The following ELMO1 variants were observed in gnomAD, a reference collection of about 807,000 sequenced individuals.
The protein encoded by ELMO1 is engulfment and cell motility 1, also known as engulfment and cell motility protein 1.
ELMO1 carries 26 observed loss-of-function variants against 98.9 expected under a neutral mutation model. The ratio of observed to expected loss-of-function variants is 0.26; its 90% CI spans 0.19 to 0.36. The LOEUF is 0.36. Ranked by LOEUF, ELMO1 falls within the 10% of genes least tolerant of loss-of-function variation. The pLI, the probability that ELMO1 is intolerant of heterozygous loss-of-function variation, is 1.00. For missense variants in ELMO1, 627 were observed against 935.2 expected (o/e 0.67, Z 4.30); for synonymous variants, 346 against 346.0 (o/e 1.00, Z 0.00).
At chr7:37,191,698 T>A (rs975000380) in intron 13 of ELMO1, among the ~76,000 whole-genome samples, 4 of 152,170 alleles carry the variant, frequency 2.6e-5, no homozygotes, top group Non-Finnish European at 4.4e-5. Flanking sequence ...GGCAAGTGGA[T>A]CATGAGGTCA....
rs550732951 is a variant in ELMO1, at chr7:36,911,766, C to T, written c.1438-16749G>A. Among the ~76,000 whole-genome samples, 3 of 152,302 alleles carry T rather than the reference C, an allele frequency of 2.0e-5. No homozygotes were observed. In the South Asian group the frequency reaches 6.2e-4, roughly 32 times the overall value. ...TGCTGATATCTCTCAAAATGACTCT[C>T]CTTTCTCAAGAGCCCACCTCCCTTG... On this transcript the variant is annotated intron_variant, in intron 16 of 21. Transcript: ENST00000310758.
At chr7:36,973,857 C>T (rs1003392763) in intron 16 of ELMO1, among the ~76,000 whole-genome samples, 1 of 152,244 alleles carries the variant, frequency 6.6e-6, no homozygotes, top group Non-Finnish European at 1.5e-5. Context: ...CTGCCGTTGC[C>T]GAGCAATGAG....
intron 13 of ELMO1, 72 bp downstream of exon 13, chr7:37,211,314 C>T (rs1478757062): frequency 2.5e-6 from 4 of 1,607,098 alleles, no homozygotes; most frequent in South Asian, 2.2e-5. Context: ...TCGGAAGAGA[C>T]ATCAGTTATG....
chr7:36,932,218 G>C (rs1180852096), intron 16 of ELMO1, among the ~76,000 whole-genome samples: 1 of 152,180 alleles, frequency 6.6e-6, no homozygotes, highest in Non-Finnish European at 1.5e-5. Context: ...ACATGGCTCA[G>C]TTTCCTTCAT....
At chr7:37,341,135 CG>C (rs11285573) in intron 2 of ELMO1, among the ~76,000 whole-genome samples, 121,603 of 151,958 alleles carry the variant, frequency 0.8, 48,965 homozygotes, top group Non-Finnish European at 0.86. Flanking sequence ...AATGTGCTTT[CG>C]GGTGATGCCC....
chr7:37,301,205 G>A (rs1798323874), intron 4 of ELMO1, among the ~76,000 whole-genome samples: 1 of 151,744 alleles, frequency 6.6e-6, no homozygotes. Flanking sequence ...GGAAGAGATG[G>A]AGCAAAATAA....
At chr7:37,040,537 C>T (rs1292206583) in intron 15 of ELMO1, among the ~76,000 whole-genome samples, 1 of 152,164 alleles carries the variant, frequency 6.6e-6, no homozygotes, top group Non-Finnish European at 1.5e-5. Flanking sequence ...ACACGCAGAA[C>T]TCTGTGGATG....
In ELMO1 at chr7:37,259,308, T is replaced by C; in HGVS notation, c.286A>G (p.Ser96Gly). The part of the protein sequence containing the change: ...QQLHERIQSS[S>G]MDAKLEALKD... ...AGGGCTTCCAGCTTGGCATCCATACTCGAGGACTGGATTCGTTCATGGAGC... is the reference window on the plus strand; with the variant it reads ...AGGGCTTCCAGCTTGGCATCCATACCCGAGGACTGGATTCGTTCATGGAGC... Residue 96 changes from serine to glycine, a missense_variant, in exon 6 of 22, where the codon AGT becomes GGT. Around this residue, in one of 3 missense-constraint regions of ELMO1, gnomAD observed 123 missense variants for 171.2 expected, o/e 0.72. Coordinates refer to ENST00000310758, the MANE Select transcript of ELMO1 (RefSeq NM_014800.11). The C allele has an allele frequency of 6.2e-7, 1 of 1,614,120 alleles. No homozygotes were observed. Among genetic ancestry groups the C allele is most frequent in the Non-Finnish European group, 8.5e-7 (1 of 1,179,998 alleles).
At chr7:37,427,237 ATC>A (rs1486697646) in intron 1 of ELMO1, among the ~76,000 whole-genome samples, 1 of 152,226 alleles carries the variant, frequency 6.6e-6, no homozygotes. Flanking sequence ...ATACAGTGAC[ATC>A]TCTGTGATGT....
chr7:37,245,703 G>GA (rs756007784), intron 6 of ELMO1, among the ~76,000 whole-genome samples: 1 of 152,064 alleles, frequency 6.6e-6, no homozygotes, highest in Non-Finnish European at 1.5e-5. Flanking sequence ...CCACTAAAAG[G>GA]AACCAGGGCT....
chr7:37,152,149 G>T (rs78995174), intron 13 of ELMO1, among the ~76,000 whole-genome samples: 1 of 152,312 alleles, frequency 6.6e-6, no homozygotes, highest in African/African-American at 2.4e-5. Flanking sequence ...AAAAAATAAA[G>T]CTTTGGTGTC....
rs546824707 is a variant in ELMO1, at chr7:37,167,792, T to G, written c.1087-34558A>C. Among the ~76,000 whole-genome samples the G allele has an allele frequency of 7.3e-5, 11 of 150,442 alleles. No homozygotes were observed. The East Asian group carries it at 2.2e-3, about 29-fold the overall frequency. On this transcript the variant is annotated intron_variant, in intron 13 of 21. Transcript: ENST00000310758. ...TAACATTTTTTCCTTCATTTCAACT[T>G]TGGTGAATCTGACAATTATGTGTCT...
At chr7:37,438,661 A>C (rs1805264628) in intron 1 of ELMO1, among the ~76,000 whole-genome samples, 1 of 151,998 alleles carries the variant, frequency 6.6e-6, no homozygotes, top group Non-Finnish European at 1.5e-5. Flanking sequence ...AATCCAACCC[A>C]ACGCTTTTAG....
chr7:36,890,060 G>A (rs1241488916), intron 17 of ELMO1, among the ~76,000 whole-genome samples: 1 of 152,134 alleles, frequency 6.6e-6, no homozygotes, highest in Non-Finnish European at 1.5e-5. Flanking sequence ...TGCCCTCTGG[G>A]GTAAGCCAGG....
chr7:37,419,033 C>T (rs1327262841), intron 1 of ELMO1, among the ~76,000 whole-genome samples: 1 of 152,206 alleles, frequency 6.6e-6, no homozygotes, highest in Middle Eastern at 3.4e-3. Context: ...AACCCCACTC[C>T]TACCCCCCAG....
At chr7:37,134,742 T>A (rs1787154023) in intron 13 of ELMO1, among the ~76,000 whole-genome samples, 1 of 152,170 alleles carries the variant, frequency 6.6e-6, no homozygotes, top group African/African-American at 2.4e-5. Context: ...AAAAAAAGAA[T>A]GAAATCATAT....
chr7:37,008,304 C>A (rs1417625945), intron 16 of ELMO1, among the ~76,000 whole-genome samples: 1 of 152,144 alleles, frequency 6.6e-6, no homozygotes, highest in Non-Finnish European at 1.5e-5. Context: ...AATCATGGGA[C>A]CTGCTGTTTT....
intron 16 of ELMO1, among the ~76,000 whole-genome samples, chr7:36,910,755 T>C (rs1380413297): frequency 1.3e-5 from 2 of 152,166 alleles, no homozygotes; most frequent in Non-Finnish European, 2.9e-5. Flanking sequence ...ATATAAACGA[T>C]GGCTGGAAAT....
chr7:37,256,927 ATACT>A (rs993653909), intron 6 of ELMO1, among the ~76,000 whole-genome samples: 2 of 152,144 alleles, frequency 1.3e-5, no homozygotes, highest in African/African-American at 4.8e-5. Flanking sequence ...ATTCTCAATG[ATACT>A]TACTCTTTCA....
Sources: allele counts gnomAD v4.1 joint callset (sites outside exome capture counted in the v4.1 genomes callset), GRCh38; gene constraint gnomAD v4.1.1; regional missense constraint gnomAD v4.1.1; transcripts MANE v1.5; gene names NCBI Gene and HGNC (gene_info 2026-07-23, HGNC 2026-07-21).